IGF1R: variants seen among roughly 807,000 people sequenced by gnomAD.
IGF1R encodes the protein insulin like growth factor 1 receptor.
IGF1R carries 44 observed loss-of-function variants against 144.6 expected under a neutral mutation model. The observed-to-expected ratio is 0.30, with a 90% CI of 0.24 to 0.39. The LOEUF (loss-of-function observed/expected upper bound fraction) is 0.39. IGF1R is among the 10% of genes least tolerant of loss of function. The probability of loss-of-function intolerance (pLI) is 1.00; values close to 1 mark genes in which losing one functional copy is unlikely to be tolerated. For missense variants in IGF1R, 1,355 were observed against 1,833.7 expected (o/e 0.74, Z 4.77); for synonymous variants, 795 against 722.8 (o/e 1.10, Z -1.60).
At chr15:98,664,957 T>G (rs1053959882) in intron 1 of IGF1R, among the ~76,000 whole-genome samples, 1 of 141,462 alleles carries the variant, frequency 7.1e-6, no homozygotes, top group African/African-American at 3.0e-5. Context: ...GGAACCAGCT[T>G]CATTTTTTTT....
chr15:98,865,954 G>A (rs1330306928), intron 2 of IGF1R, among the ~76,000 whole-genome samples: 1 of 152,184 alleles, frequency 6.6e-6, no homozygotes, highest in Non-Finnish European at 1.5e-5. Flanking sequence ...CTCTGGGGTC[G>A]CCACTTGCCT....
chr15:98,918,676 C>T (rs888875404), intron 10 of IGF1R, among the ~76,000 whole-genome samples: 34 of 152,130 alleles, frequency 2.2e-4, no homozygotes, highest in African/African-American at 5.8e-4. Context: ...ATCAGGCGTT[C>T]GAGACCAGCC....
At chr15:98,916,552 A>G (rs2015259066) in intron 9 of IGF1R, 120 bp from the exon 10 acceptor site, 1 of 925,554 alleles carries the variant, frequency 1.1e-6, no homozygotes, top group Admixed American at 1.9e-5. Flanking sequence ...TTGAGCCACC[A>G]CATCTGGCCG....
At chr15:98,765,053 C>A (rs1177489387) in intron 2 of IGF1R, among the ~76,000 whole-genome samples, 2 of 152,130 alleles carry the variant, frequency 1.3e-5, no homozygotes, top group Admixed American at 1.3e-4. Flanking sequence ...CATATAAATG[C>A]AGTTATATAA....
At chr15:98,654,107 G>A (rs544126340) in intron 1 of IGF1R, among the ~76,000 whole-genome samples, 2 of 152,114 alleles carry the variant, frequency 1.3e-5, no homozygotes, top group South Asian at 2.1e-4. Context: ...CATTTTAAAG[G>A]TTCTTTTAAA....
At chr15:98,689,821 G>C (rs1169843428) in intron 1 of IGF1R, among the ~76,000 whole-genome samples, 2 of 152,088 alleles carry the variant, frequency 1.3e-5, no homozygotes, top group Non-Finnish European at 2.9e-5. Flanking sequence ...TTCAGCCAGC[G>C]GTGTGAGTGA....
chr15:98,925,244 A>G lies in IGF1R; in HGVS notation c.2782+560A>G, dbSNP rs546639789. On this transcript the variant is annotated intron_variant, in intron 13 of 20. Transcript: ENST00000650285. ...AAATGTACGGTGCTCACCCTTTGGT[A>G]CAGAGACTGAGGAATGTGAGTTTAT... 9.8e-5 allele frequency among the ~76,000 whole-genome samples: 15 copies of G among 152,306 alleles called. 1 individual carries two copies. The South Asian group carries it at 3.1e-3, about 32-fold the overall frequency.
intron 1 of IGF1R, among the ~76,000 whole-genome samples, chr15:98,672,044 G>A (rs891748007): frequency 4.6e-5 from 7 of 152,194 alleles, no homozygotes; most frequent in African/African-American, 1.7e-4. Context: ...AAGCAATAGT[G>A]AGTTGCTTAG....
chr15:98,684,234 G>A (rs1330619677), intron 1 of IGF1R, among the ~76,000 whole-genome samples: 1 of 149,720 alleles, frequency 6.7e-6, no homozygotes, highest in Non-Finnish European at 1.5e-5. Flanking sequence ...AATTTTCATA[G>A]TTTTCAGTTT....
chr15:98,747,348 C>T (rs2054894580), intron 2 of IGF1R, among the ~76,000 whole-genome samples: 4 of 152,102 alleles, frequency 2.6e-5, no homozygotes, highest in East Asian at 3.9e-4. Context: ...AGGCACCCAC[C>T]GCCACACCCA....
chr15:98,942,006 G>A (rs960189776), intron 18 of IGF1R, among the ~76,000 whole-genome samples: 2 of 152,166 alleles, frequency 1.3e-5, no homozygotes, highest in African/African-American at 4.8e-5. Context: ...ATGGAAAATG[G>A]AAGAAATTTT....
At chr15:98,663,769 C>T (rs771125168) in intron 1 of IGF1R, among the ~76,000 whole-genome samples, 68 of 152,300 alleles carry the variant, frequency 4.5e-4, no homozygotes, top group Non-Finnish European at 7.6e-4. Context: ...CGGTGGCCCC[C>T]GCTACCCTGA....
intron 2 of IGF1R, among the ~76,000 whole-genome samples, chr15:98,787,868 C>G (rs2056034976): frequency 6.6e-6 from 1 of 152,070 alleles, no homozygotes; most frequent in Admixed American, 6.6e-5. Flanking sequence ...GTTCCTGTGC[C>G]TGGAGGCCCT....
At chr15:98,662,782 A>G (rs1416942704) in intron 1 of IGF1R, among the ~76,000 whole-genome samples, 1 of 152,180 alleles carries the variant, frequency 6.6e-6, no homozygotes, top group Non-Finnish European at 1.5e-5. Context: ...TTGACTCTCA[A>G]GATCCAAGGA....
intron 2 of IGF1R, among the ~76,000 whole-genome samples, chr15:98,869,247 A>G (rs996927689): frequency 6.6e-6 from 1 of 152,014 alleles, no homozygotes; most frequent in Non-Finnish European, 1.5e-5. Context: ...CTTTCCATTT[A>G]TATGTTGTCT....
intron 1 of IGF1R, among the ~76,000 whole-genome samples, chr15:98,650,234 A>G (rs1173173264): frequency 6.6e-6 from 1 of 151,898 alleles, no homozygotes. Flanking sequence ...AAGCCCCAGG[A>G]CACGTCTCCA....
intron 2 of IGF1R, among the ~76,000 whole-genome samples, chr15:98,848,732 C>A (rs180774296): frequency 1.8e-3 from 274 of 152,328 alleles, no homozygotes; most frequent in Middle Eastern, 0.01. Flanking sequence ...GATTCCCCCC[C>A]ATCCCATTGT....
At chr15:98,650,978 T>A (rs879463947) in intron 1 of IGF1R, 1 of 985,084 alleles carries the variant, frequency 1.0e-6, no homozygotes, top group Admixed American at 6.1e-5. Context: ...CTGAAAAAGT[T>A]GAAAGTGTGG....
intron 12 of IGF1R, 121 bp from the exon 13 acceptor site, chr15:98,924,404 T>C: frequency 1.1e-6 from 1 of 907,842 alleles, no homozygotes; most frequent in Admixed American, 1.7e-5. Flanking sequence ...ACACTCAGGA[T>C]CATTGTTAGG....
Sources: allele counts gnomAD v4.1 joint callset (sites outside exome capture counted in the v4.1 genomes callset), GRCh38; gene constraint gnomAD v4.1.1; transcripts MANE v1.5; gene names NCBI Gene and HGNC (gene_info 2026-07-23, HGNC 2026-07-21).